QTMAN: variants seen among roughly 807,000 people sequenced by gnomAD.
The protein encoded by QTMAN is queuosine-tRNA mannosyltransferase, also known as tRNA-queuosine alpha-mannosyltransferase.
At chr2:143,974,787 C>T in the QTMAN span, among the ~76,000 whole-genome samples, 1 of 151,900 alleles carries the variant, frequency 6.6e-6, no homozygotes, top group African/African-American at 2.4e-5. Flanking sequence ...AAGAAATTAT[C>T]CATCACTAAT....
chr2:144,019,435 G>GGGGTGTGTGTGTGTGT, the QTMAN span, among the ~76,000 whole-genome samples: 106 of 117,270 alleles, frequency 9.0e-4, 1 homozygote, highest in Middle Eastern at 8.4e-3. Context: ...TAAGCATGCA[G>GGGGTGTGTGTGTGTGT]GTGTGTGTGT....
At chr2:144,289,282 C>T in the QTMAN span, among the ~76,000 whole-genome samples, 3 of 152,154 alleles carry the variant, frequency 2.0e-5, no homozygotes, top group Non-Finnish European at 4.4e-5. Flanking sequence ...CCGCCTCGGC[C>T]TCACAAAGTG....
At chr2:144,247,910 C>T in the QTMAN span, among the ~76,000 whole-genome samples, 5 of 152,278 alleles carry the variant, frequency 3.3e-5, no homozygotes, top group African/African-American at 1.2e-4. Context: ...AGGCTGGTCT[C>T]GCACTCTTAG....
chr2:144,189,113 G>A, the QTMAN span, among the ~76,000 whole-genome samples: 1 of 152,172 alleles, frequency 6.6e-6, no homozygotes. Context: ...AACCTTGGAT[G>A]CACATTAGAA....
chr2:144,300,398 T>C, the QTMAN span, among the ~76,000 whole-genome samples: 1 of 152,198 alleles, frequency 6.6e-6, no homozygotes, highest in Non-Finnish European at 1.5e-5. Flanking sequence ...GCCACTATCC[T>C]ATATCCAACA....
At chr2:144,173,033 A>C in the QTMAN span, among the ~76,000 whole-genome samples, 4,164 of 152,188 alleles carry the variant, frequency 0.027, 72 homozygotes, top group Non-Finnish European at 0.045. Context: ...TAGACACAGA[A>C]TTCTAGGTGG....
At chr2:144,289,791 T>C in the QTMAN span, among the ~76,000 whole-genome samples, 37 of 152,346 alleles carry the variant, frequency 2.4e-4, 1 homozygote, top group Middle Eastern at 6.8e-3. Flanking sequence ...GATCCAACTA[T>C]GTGCTATCTA....
chr2:143,964,078 T>C, the QTMAN span: 30 of 152,126 alleles, frequency 2.0e-4, no homozygotes, highest in Non-Finnish European at 1.3e-4. Context: ...CCCATAAACA[T>C]TGTAAATAAT....
At chr2:144,205,107 A>G in the QTMAN span, among the ~76,000 whole-genome samples, 1 of 152,172 alleles carries the variant, frequency 6.6e-6, no homozygotes, top group African/African-American at 2.4e-5. Flanking sequence ...ACAAACCTGC[A>G]CATTGTGCAC....
At chr2:143,990,138 TA>T in the QTMAN span, among the ~76,000 whole-genome samples, 148 of 144,280 alleles carry the variant, frequency 1.0e-3, no homozygotes, top group Middle Eastern at 3.5e-3. Flanking sequence ...GGTAATTCCT[TA>T]AAAAAAAAAA....
the QTMAN span, among the ~76,000 whole-genome samples, chr2:144,187,826 C>G: frequency 6.6e-6 from 1 of 152,088 alleles, no homozygotes. Context: ...GTGAATGTGA[C>G]CCCATTCAAA....
the QTMAN span, among the ~76,000 whole-genome samples, chr2:144,042,763 C>CAA: frequency 2.0e-4 from 13 of 64,400 alleles, no homozygotes; most frequent in African/African-American, 4.1e-4. Context: ...GACTCTGTCT[C>CAA]AAAAAAAAAA....
the QTMAN span, chr2:143,941,014 T>G: frequency 6.6e-6 from 1 of 152,256 alleles, no homozygotes; most frequent in African/African-American, 2.4e-5. Flanking sequence ...CTTCTTACAG[T>G]GAGAGGCAGA....
the QTMAN span, among the ~76,000 whole-genome samples, chr2:144,199,319 G>T: frequency 6.6e-6 from 1 of 152,178 alleles, no homozygotes; most frequent in Non-Finnish European, 1.5e-5. Flanking sequence ...AAAGTATTGG[G>T]ATTACAGGCG....
chr2:144,299,788 G>T, the QTMAN span, among the ~76,000 whole-genome samples: 3 of 152,120 alleles, frequency 2.0e-5, no homozygotes, highest in Non-Finnish European at 4.4e-5. Flanking sequence ...CAAAAGAATT[G>T]AAATCAGGGA....
the QTMAN span, among the ~76,000 whole-genome samples, chr2:144,276,946 T>C: frequency 6.6e-6 from 1 of 152,220 alleles, no homozygotes; most frequent in Admixed American, 6.5e-5. Context: ...TTTACAATCA[T>C]ATTGTTATTT....
At chr2:144,114,373 C>T in the QTMAN span, among the ~76,000 whole-genome samples, 1 of 152,154 alleles carries the variant, frequency 6.6e-6, no homozygotes, top group South Asian at 2.1e-4. Flanking sequence ...TGTCTGGCCC[C>T]TTATATGTCA....
chr2:144,330,396 C>T, the QTMAN span, among the ~76,000 whole-genome samples: 2 of 152,156 alleles, frequency 1.3e-5, no homozygotes, highest in African/African-American at 4.8e-5. Flanking sequence ...CACAAGTACA[C>T]ATTTCTCAGA....
chr2:144,081,403 G>A, the QTMAN span, among the ~76,000 whole-genome samples: 3 of 152,098 alleles, frequency 2.0e-5, no homozygotes, highest in Non-Finnish European at 4.4e-5. Flanking sequence ...GATTTGGCAG[G>A]GCATCAAAAA....
Sources: allele counts gnomAD v4.1 joint callset (sites outside exome capture counted in the v4.1 genomes callset), GRCh38; gene constraint gnomAD v4.1.1; transcripts MANE v1.5; gene names NCBI Gene and HGNC (gene_info 2026-07-23, HGNC 2026-07-21).